STAT6: variants seen among roughly 807,000 people sequenced by gnomAD.
STAT6 encodes signal transducer and activator of transcription 6.
A neutral mutation model predicts 106.3 loss-of-function variants in STAT6; 45 were observed. That is an observed-to-expected ratio of 0.42 (90% CI 0.33 to 0.54). The LOEUF (loss-of-function observed/expected upper bound fraction) is 0.54, where lower values mean the gene tolerates loss of function less well. Among genes scored for constraint, STAT6 ranks in the 20% least tolerant of loss-of-function variants. The probability of loss-of-function intolerance (pLI) is 0.06; values close to 1 mark genes in which losing one functional copy is unlikely to be tolerated. For missense variants in STAT6, 797 were observed against 1,062.2 expected (o/e 0.75, Z 3.47); for synonymous variants, 413 against 413.6 (o/e 1.00, Z 0.02).
intron 13 of STAT6, among the ~76,000 whole-genome samples, chr12:57,101,768 A>G (rs1021215927): frequency 1.6e-4 from 24 of 149,746 alleles, no homozygotes; most frequent in Non-Finnish European, 2.8e-4. Context: ...GGGTTCAAGC[A>G]ATTCTCCTGC....
Position 57,099,646 on chromosome 12 carries a change from G to T in STAT6, c.1744+121C>A. Reference sequence around the variant, plus strand: ...CATTTAGACCACAGAAGGAAGAAGAGAAGCTGGAAGAACTTCCTGAAGATC... The same window carrying T: ...CATTTAGACCACAGAAGGAAGAAGATAAGCTGGAAGAACTTCCTGAAGATC... On this transcript the variant is annotated intron_variant, in intron 15 of 21. Transcript: ENST00000300134. The surrounding 1 kb of genome is among the most constrained non-coding windows in gnomAD (Gnocchi z 4.7). 1.4e-6 allele frequency: 2 copies of T among 1,464,536 alleles called. No homozygotes were observed. The highest frequency in any genetic ancestry group is 9.3e-7 in the Non-Finnish European group (1 of 1,080,604). The allele number at this position is 1,464,536 out of a possible 1,614,324, so 90.7% of individuals were successfully genotyped here. A position where few individuals can be genotyped will look rare whatever the true frequency, so the allele number is the denominator to read the frequency against.
At position 57,096,266 on chromosome 12, in the gene STAT6, T is replaced by G; in HGVS notation, c.*306A>C. 3.0e-6 allele frequency: 1 copy of G among 332,426 alleles called. No homozygotes were observed. Among genetic ancestry groups the G allele is most frequent in the Non-Finnish European group, 5.5e-6 (1 of 181,308 alleles). The allele number at this position is 332,426 out of a possible 1,614,324, so 20.6% of individuals were successfully genotyped here. A position where few individuals can be genotyped will look rare whatever the true frequency, so the allele number is the denominator to read the frequency against. ...CAGCCCCATCACCCTCAGAGAGCTCTGTATGTGTGTGTGCGTGCGTGTGCG... is the reference window on the plus strand; with the variant it reads ...CAGCCCCATCACCCTCAGAGAGCTCGGTATGTGTGTGTGCGTGCGTGTGCG... On this transcript the variant is annotated 3_prime_UTR_variant, in exon 22 of 22. Transcript: ENST00000300134.
chr12:57,100,318 G>A (rs137862682), intron 13 of STAT6, among the ~76,000 whole-genome samples: 1 of 152,278 alleles, frequency 6.6e-6, no homozygotes, highest in African/African-American at 2.4e-5. Context: ...TATGGAAGTA[G>A]GGATTATAAT....
Position 57,099,521 on chromosome 12 carries a change from C to T in STAT6, c.1745-81G>A. 6.3e-7 allele frequency: 1 copy of T among 1,586,380 alleles called. No individual in the cohort carries two copies. Among genetic ancestry groups the T allele is most frequent in the Non-Finnish European group, 8.6e-7 (1 of 1,160,692 alleles). ...CAACCCCTACCATAAGACCTGTTCTCACTCCACCAAGGCAAGGGAGAGAGG... is the reference window on the plus strand; with the variant it reads ...CAACCCCTACCATAAGACCTGTTCTTACTCCACCAAGGCAAGGGAGAGAGG... On this transcript the variant is annotated intron_variant, in intron 15 of 21. Coordinates refer to ENST00000300134, the MANE Select transcript of STAT6 (RefSeq NM_003153.5). The surrounding 1 kb of genome is among the most constrained non-coding windows in gnomAD (Gnocchi z 4.7).
chr12:57,107,800 C>T lies in STAT6; in HGVS notation c.117-57G>A, dbSNP rs146489880. 3.1e-5 allele frequency: 50 copies of T among 1,605,290 alleles called. 1 individual carries two copies. The East Asian group carries it at 1.1e-3, about 34-fold the overall frequency. Reference sequence around the variant, plus strand: ...GCCAGGGCTTCCTCAGCTCTCCTGACCCTTTACCCCACAGCCAAAAGCTCA... The same window carrying T: ...GCCAGGGCTTCCTCAGCTCTCCTGATCCTTTACCCCACAGCCAAAAGCTCA... On this transcript the variant is annotated intron_variant, in intron 2 of 21. Coordinates refer to ENST00000300134, the MANE Select transcript of STAT6 (RefSeq NM_003153.5).
At chr12:57,110,628 A>G (rs978210244) in intron 1 of STAT6, 1 of 152,242 alleles carries the variant, frequency 6.6e-6, no homozygotes, top group African/African-American at 2.4e-5. Context: ...CTCAGCGTCT[A>G]CAGCAGCCAA....
chr12:57,102,262 T>C (rs1046612037), intron 13 of STAT6, 28 bp downstream of exon 13: 47 of 1,611,444 alleles, frequency 2.9e-5, no homozygotes, highest in Non-Finnish European at 3.9e-5. Context: ...AGCTTGGGGG[T>C]GGGAGGTCCA....
Position 57,100,649 on chromosome 12 carries a change from AAAG to A in STAT6, c.1513-562_1513-560del, listed in dbSNP as rs1347062937. Among the ~76,000 whole-genome samples the A allele has an allele frequency of 6.6e-5, 5 of 76,294 alleles. No individual in the cohort carries two copies. The East Asian group carries it at 1.2e-3, about 19-fold the overall frequency. 50.1% of individuals were successfully genotyped at this position (76,294 alleles called of 152,430 possible). A position where few individuals can be genotyped will look rare whatever the true frequency, so the allele number is the denominator to read the frequency against. ...GAGAGAAAGAGAAAGAGAAAGAAAG[AAAG>A]AAAGAAAGAAAGAAAGAAAGAAAGA... is the stretch of plus-strand genomic sequence containing the variant. On this transcript the variant is annotated intron_variant, in intron 13 of 21. Coordinates refer to ENST00000300134, the MANE Select transcript of STAT6 (RefSeq NM_003153.5).
rs1346759070 is a variant in STAT6, at chr12:57,102,352, C to T, written c.1450G>A (p.Asp484Asn). 1.2e-6 allele frequency: 2 copies of T among 1,614,146 alleles called. No individual in the cohort carries two copies. Among genetic ancestry groups the T allele is most frequent in the Admixed American group, 3.3e-5 (2 of 60,032 alleles). ...FLFLAQKIFN[D>N]NSLSMEAFQH... ...AAGGCCTCCATACTGAGGCTGTTGTCATTGAAGATCTTCTGGGCCAGGAAG... is the reference window on the plus strand; with the variant it reads ...AAGGCCTCCATACTGAGGCTGTTGTTATTGAAGATCTTCTGGGCCAGGAAG... The change falls in exon 13 of 22, where the codon GAC becomes AAC. Residue 484 changes from aspartate (D) to asparagine (N), a missense_variant. Transcript: ENST00000300134.
intron 19 of STAT6, among the ~76,000 whole-genome samples, chr12:57,098,080 G>A (rs3024975): frequency 0.11 from 16,191 of 152,076 alleles, 905 homozygotes; most frequent in East Asian, 0.2. Context: ...ATACTCAATG[G>A]TATTCGCATA....
intron 4 of STAT6, 66 bp from the exon 5 acceptor site, chr12:57,106,897 C>T (rs1381929330): frequency 1.3e-6 from 2 of 1,597,948 alleles, no homozygotes; most frequent in Non-Finnish European, 1.7e-6. Context: ...CTGGCCTCCA[C>T]TCTCTGCTCT....
At chr12:57,098,978 C>T in intron 17 of STAT6, 37 bp downstream of exon 17, 8 of 1,613,844 alleles carry the variant, frequency 5.0e-6, no homozygotes, top group Non-Finnish European at 6.8e-6. Context: ...AAGCACTAAG[C>T]CCCTGACCTA....
chr12:57,107,856 C>T, intron 2 of STAT6, 113 bp from the exon 3 acceptor site: 2 of 1,432,120 alleles, frequency 1.4e-6, no homozygotes, highest in East Asian at 2.4e-5. Flanking sequence ...TATTCTCCAT[C>T]TAGGCCCTCT....
intron 13 of STAT6, among the ~76,000 whole-genome samples, chr12:57,100,638 G>GAGAAAGAGAAAGAAAGAA (rs2033769516): frequency 1.0e-5 from 1 of 100,062 alleles, no homozygotes; most frequent in Non-Finnish European, 2.0e-5. Context: ...GAAAGAGAAA[G>GAGAAAGAGAAAGAAAGAA]AGAAAGAAAG....
At chr12:57,102,167 A>C in intron 13 of STAT6, 123 bp downstream of exon 13, 1 of 1,095,338 alleles carries the variant, frequency 9.1e-7, no homozygotes, top group Non-Finnish European at 1.3e-6. Flanking sequence ...GGCCTTCCTA[A>C]AGGACCTGAG....
chr12:57,102,490 C>G lies in STAT6; in HGVS notation c.1312G>C (p.Val438Leu). The G allele has an allele frequency of 6.2e-7, 1 of 1,613,470 alleles. No homozygotes were observed. Among genetic ancestry groups the G allele is most frequent in the Non-Finnish European group, 8.5e-7 (1 of 1,179,976 alleles). The change falls in exon 13 of 22, where the codon GTG becomes CTG. Residue 438 changes from valine to leucine, a missense_variant. Coordinates refer to ENST00000300134, the MANE Select transcript of STAT6 (RefSeq NM_003153.5). Reference protein sequence around the residue: ...WDNAFSEMDRVPFVVAERVPW... With the variant: ...WDNAFSEMDRLPFVVAERVPW... ...ACCCGCTCAGCCACCACAAAGGGCA[C>G]GCGGTCCTGGGGAGAAGGGGGAAGA...
At chr12:57,100,746 G>T in intron 13 of STAT6, 1 of 208,790 alleles carries the variant, frequency 4.8e-6, no homozygotes, top group Non-Finnish European at 9.9e-6. Context: ...AAGAAAGAAA[G>T]AAAAGAAAAA....
At position 57,098,623 on chromosome 12, in the gene STAT6, A is replaced by AT. The variant is rs377599531; in HGVS notation, c.2067-27dup. 2.0e-5 allele frequency: 32 copies of AT among 1,608,320 alleles called. No homozygotes were observed. The African/African-American group carries it at 3.9e-4, about 19-fold the overall frequency. On this transcript the variant is annotated intron_variant, in intron 18 of 21. Coordinates refer to ENST00000300134, the MANE Select transcript of STAT6 (RefSeq NM_003153.5). ...CTGGGGAAAGAAAACAGACCCCCTGATGCCAGCCCTTCTCCTGGACACCAC... is the reference window on the plus strand; with the variant it reads ...CTGGGGAAAGAAAACAGACCCCCTGATTGCCAGCCCTTCTCCTGGACACCAC...
At chr12:57,110,022 T>A (rs1272390915) in intron 1 of STAT6, 2 of 152,382 alleles carry the variant, frequency 1.3e-5, no homozygotes, top group Non-Finnish European at 2.9e-5. Flanking sequence ...CATGCCCCTC[T>A]TTCCTCCAGT....
Sources: gnomAD v4.1 joint callset for allele counts (sites outside exome capture counted in the v4.1 genomes callset) on GRCh38, gnomAD v4.1.1 for gene constraint, Gnocchi (gnomAD v3.1) non-coding constraint, MANE v1.5 for transcripts, NCBI Gene and HGNC (gene_info 2026-07-23, HGNC 2026-07-21) for gene names.